The following PTPN9 variants were observed in gnomAD, a reference collection of about 807,000 sequenced individuals.
PTPN9 encodes the protein protein tyrosine phosphatase non-receptor type 9.
A neutral mutation model predicts 69.8 loss-of-function variants in PTPN9; 26 were observed. The observed-to-expected ratio is 0.37, with a 90% CI of 0.27 to 0.52. The LOEUF (loss-of-function observed/expected upper bound fraction) is 0.52, where lower values mean the gene tolerates loss of function less well. Among genes scored for constraint, PTPN9 ranks in the 20% least tolerant of loss-of-function variants. PTPN9 has a pLI of 0.91. For missense variants in PTPN9, 549 were observed against 740.3 expected, an observed-to-expected ratio of 0.74 and a Z score of 3.00; for synonymous variants, 274 against 272.5, an observed-to-expected ratio of 1.01 and a Z score of -0.05.
At chr15:75,482,468 G>A (rs1317707826) in intron 8 of PTPN9, among the ~76,000 whole-genome samples, 2 of 151,044 alleles carry the variant, frequency 1.3e-5, no homozygotes, top group Non-Finnish European at 2.9e-5. Context: ...GGGAGGCTGA[G>A]GCAGGAGAAT....
intron 1 of PTPN9, among the ~76,000 whole-genome samples, chr15:75,563,126 T>C (rs2075111953): frequency 6.6e-6 from 1 of 152,162 alleles, no homozygotes; most frequent in African/African-American, 2.4e-5. Flanking sequence ...TATTGTTCCC[T>C]TCTTTGTGTT....
chr15:75,484,823 G>GCACCCA (rs2074664666), intron 8 of PTPN9, among the ~76,000 whole-genome samples: 1 of 152,142 alleles, frequency 6.6e-6, no homozygotes, highest in African/African-American at 2.4e-5. Context: ...TCCTATCACT[G>GCACCCA]GGTGGGCAGT....
intron 8 of PTPN9, among the ~76,000 whole-genome samples, chr15:75,484,640 C>T (rs1360307814): frequency 2.0e-5 from 3 of 152,112 alleles, no homozygotes; most frequent in Non-Finnish European, 4.4e-5. Flanking sequence ...TATAGTATAA[C>T]TAGTTGGGAG....
intron 3 of PTPN9, among the ~76,000 whole-genome samples, 179 bp downstream of exon 3, chr15:75,524,030 C>A (rs966214566): frequency 6.7e-6 from 1 of 149,262 alleles, no homozygotes; most frequent in Non-Finnish European, 1.5e-5. Flanking sequence ...GGGTGCAGCA[C>A]ACCAACAAGG....
intron 7 of PTPN9, among the ~76,000 whole-genome samples, chr15:75,504,927 C>T (rs1400986011): frequency 6.6e-6 from 1 of 152,118 alleles, no homozygotes; most frequent in Admixed American, 6.5e-5. Context: ...GTGAGGAGCC[C>T]CTCTGCCCAG....
intron 8 of PTPN9, among the ~76,000 whole-genome samples, chr15:75,483,375 G>A (rs980723804): frequency 6.6e-6 from 1 of 152,148 alleles, no homozygotes; most frequent in African/African-American, 2.4e-5. Flanking sequence ...ATATTATTTG[G>A]CAGTAAAAAG....
At chr15:75,546,845 G>C (rs1199295538) in intron 1 of PTPN9, among the ~76,000 whole-genome samples, 11 of 151,972 alleles carry the variant, frequency 7.2e-5, no homozygotes, top group Non-Finnish European at 2.9e-5. Flanking sequence ...GTTTCAAGAA[G>C]AAAGTAACCA....
At chr15:75,573,345 A>C (rs1417962201) in intron 1 of PTPN9, among the ~76,000 whole-genome samples, 1 of 152,230 alleles carries the variant, frequency 6.6e-6, no homozygotes, top group Non-Finnish European at 1.5e-5. Flanking sequence ...ATTGTTATTC[A>C]TATAAGCTCC....
chr15:75,494,185 A>C (rs2074726959), intron 7 of PTPN9, among the ~76,000 whole-genome samples: 1 of 149,544 alleles, frequency 6.7e-6, no homozygotes, highest in African/African-American at 2.4e-5. Flanking sequence ...ATAGAGAGAG[A>C]GCGCGAGCGA....
At chr15:75,485,936 T>TA (rs1294857199) in intron 8 of PTPN9, among the ~76,000 whole-genome samples, 7 of 150,510 alleles carry the variant, frequency 4.7e-5, no homozygotes, top group Non-Finnish European at 7.4e-5. Flanking sequence ...CCATCTCTAC[T>TA]AAAAATACAA....
At chr15:75,515,426 CAAA>C (rs34643551) in intron 5 of PTPN9, among the ~76,000 whole-genome samples, 3 of 69,412 alleles carry the variant, frequency 4.3e-5, no homozygotes, top group Non-Finnish European at 5.8e-5. Context: ...GACTCCGTCT[CAAA>C]AAAAAAAAAA....
intron 7 of PTPN9, among the ~76,000 whole-genome samples, chr15:75,504,501 G>C (rs1343815895): frequency 4.3e-5 from 6 of 139,474 alleles, no homozygotes; most frequent in Admixed American, 2.8e-4. Flanking sequence ...CCCCACGTCC[G>C]GGAGGGAGGT....
At chr15:75,520,925 GGTGATCCTCCCAGGGC>G (rs2074901899) in intron 4 of PTPN9, among the ~76,000 whole-genome samples, 1 of 151,302 alleles carries the variant, frequency 6.6e-6, no homozygotes, top group African/African-American at 2.4e-5. Context: ...CCAGGGCTCA[GGTGATCCTCCCAGGGC>G]TCAGGTGATC....
chr15:75,473,571 T>C (rs1595945209), intron 10 of PTPN9, 118 bp downstream of exon 10: 3 of 879,102 alleles, frequency 3.4e-6, no homozygotes, highest in Non-Finnish European at 5.5e-6. Context: ...ATTACAGGCG[T>C]GAGCCACCGT....
At chr15:75,545,604 C>T (rs946610496) in intron 1 of PTPN9, among the ~76,000 whole-genome samples, 2 of 152,054 alleles carry the variant, frequency 1.3e-5, no homozygotes, top group Non-Finnish European at 2.9e-5. Flanking sequence ...AATATCTTAA[C>T]GTCAGACATC....
intron 1 of PTPN9, among the ~76,000 whole-genome samples, chr15:75,564,831 C>T (rs1361207152): frequency 2.6e-5 from 4 of 151,738 alleles, no homozygotes; most frequent in African/African-American, 9.7e-5. Flanking sequence ...TGGCTGGGCA[C>T]GGTGGCTCAC....
chr15:75,537,753 C>CAAAAAAAAAAAAAAAAAAAAAAAAA lies in PTPN9; in HGVS notation c.64-10493_64-10492insTTTTTTTTTTTTTTTTTTTTTTTTT, dbSNP rs1164644727. On this transcript the variant is annotated intron_variant, in intron 1 of 12. Coordinates refer to ENST00000618819, the MANE Select transcript of PTPN9 (RefSeq NM_002833.4). ...AGGGCAACAGAGGGAGACTCCATCT[C>CAAAAAAAAAAAAAAAAAAAAAAAAA]AAAAAAAAAAAAAAAAAAAAAAAGG... 1.3e-3 allele frequency among the ~76,000 whole-genome samples: 15 copies of CAAAAAAAAAAAAAAAAAAAAAAAAA among 11,388 alleles called. 1 individual carries two copies. Among genetic ancestry groups the CAAAAAAAAAAAAAAAAAAAAAAAAA allele is most frequent in the African/African-American group, 3.2e-3 (7 of 2,196 alleles). 7.5% of individuals were successfully genotyped at this position (11,388 alleles called of 152,430 possible). A position where few individuals can be genotyped will look rare whatever the true frequency, so the allele number is the denominator to read the frequency against.
intron 1 of PTPN9, among the ~76,000 whole-genome samples, chr15:75,530,555 T>TATAA (rs1555456010): frequency 0.27 from 8,231 of 30,604 alleles, 2,423 homozygotes; most frequent in African/African-American, 0.57. Context: ...TTATAATATA[T>TATAA]TATATATTAT....
At chr15:75,515,266 A>C (rs2074863502) in intron 5 of PTPN9, among the ~76,000 whole-genome samples, 1 of 151,758 alleles carries the variant, frequency 6.6e-6, no homozygotes, top group South Asian at 2.1e-4. Flanking sequence ...TCTCTACTTA[A>C]AATACAAAAA....
Sources: allele counts gnomAD v4.1 joint callset (sites outside exome capture counted in the v4.1 genomes callset), GRCh38; gene constraint gnomAD v4.1.1; transcripts MANE v1.5; gene names NCBI Gene and HGNC (gene_info 2026-07-23, HGNC 2026-07-21).